OPRM1: variants seen among roughly 807,000 people sequenced by gnomAD.
The protein encoded by OPRM1 is opioid receptor mu 1, also known as mu-type opioid receptor.
In OPRM1, 27 loss-of-function variants were observed where a neutral mutation model predicts 31.8. The observed-to-expected ratio is 0.85, with a 90% CI of 0.63 to 1.17. The LOEUF (loss-of-function observed/expected upper bound fraction) is 1.17. OPRM1 is among the 50% of genes most tolerant of loss of function. The pLI, the probability that OPRM1 is intolerant of heterozygous loss-of-function variation, is 0.00. For missense variants in OPRM1, 536 were observed against 511.1 expected (o/e 1.05, Z -0.47); for synonymous variants, 196 against 189.9 (o/e 1.03, Z -0.26).
chr6:154,183,815 A>G (rs1383265183), intron 3 of OPRM1, among the ~76,000 whole-genome samples: 1 of 152,092 alleles, frequency 6.6e-6, no homozygotes, highest in Non-Finnish European at 1.5e-5. Flanking sequence ...ACTTGAACCC[A>G]GGAGGCAGAG....
At chr6:154,090,838 C>T in intron 2 of OPRM1, 114 bp from the exon 3 acceptor site, 1 of 864,748 alleles carries the variant, frequency 1.2e-6, no homozygotes, top group South Asian at 1.8e-5. Context: ...TTCTTTATAG[C>T]CTTAAGTTAG....
intron 3 of OPRM1, among the ~76,000 whole-genome samples, chr6:154,187,502 A>G (rs1801493034): frequency 6.6e-6 from 1 of 152,250 alleles, no homozygotes; most frequent in South Asian, 2.1e-4. Context: ...ACACCCAGAG[A>G]TATCATAATA....
At chr6:154,013,130 G>GT (rs1228429681) in intron 1 of OPRM1, among the ~76,000 whole-genome samples, 1 of 152,148 alleles carries the variant, frequency 6.6e-6, no homozygotes, top group East Asian at 1.9e-4. Context: ...GAGGAAGAGA[G>GT]TTTTCAAGTG....
chr6:154,148,055 T>C (rs1199562106), intron 3 of OPRM1, among the ~76,000 whole-genome samples: 1 of 152,220 alleles, frequency 6.6e-6, no homozygotes, highest in Non-Finnish European at 1.5e-5. Context: ...CAAGAGACTT[T>C]TTCAAGGCTC....
At position 154,118,935 on chromosome 6, in the gene OPRM1, A is replaced by G; in HGVS notation, c.*214A>G. 3.8e-6 allele frequency: 5 copies of G among 1,316,566 alleles called. No homozygotes were observed. The highest frequency in any genetic ancestry group is 4.8e-6 in the Non-Finnish European group (5 of 1,034,516). 81.6% of individuals were successfully genotyped at this position (1,316,566 alleles called of 1,614,324 possible). ...ATTTGGAAGGAAAGGAATATACCAC[A>G]CCGAGGAGTCCAGTTTGTGCAAGAC... is the stretch of plus-strand genomic sequence containing the variant. On this transcript the variant is annotated 3_prime_UTR_variant, in exon 4 of 4. Transcript: ENST00000330432.
chr6:154,221,310 A>G lies in OPRM1; in HGVS notation c.1165-25383A>G, dbSNP rs546290444. 3.7e-6 allele frequency: 6 copies of G among 1,613,942 alleles called. No homozygotes were observed. In the African/African-American group the frequency reaches 4.0e-5, roughly 11 times the overall value. On this transcript the variant is annotated intron_variant, in intron 3 of 3. Transcript: ENST00000337049. ...CAAAATAAAAGGTCTTGATCTGTGG[A>G]TGGCTGATCTTAAAAGCACTTGAAG... is the stretch of plus-strand genomic sequence containing the variant.
intron 1 of OPRM1, among the ~76,000 whole-genome samples, chr6:154,044,531 A>T (rs1052617606): frequency 1.3e-5 from 2 of 151,986 alleles, no homozygotes; most frequent in South Asian, 2.1e-4. Flanking sequence ...ATTTTTTTTT[A>T]AATGTGTTAA....
At chr6:154,215,959 A>G (rs1191927340) in intron 3 of OPRM1, among the ~76,000 whole-genome samples, 1 of 152,252 alleles carries the variant, frequency 6.6e-6, no homozygotes, top group Non-Finnish European at 1.5e-5. Context: ...AAACTTAAAA[A>G]TATTATTGAT....
At chr6:154,210,982 CA>C (rs1173132364) in intron 3 of OPRM1, among the ~76,000 whole-genome samples, 1 of 152,074 alleles carries the variant, frequency 6.6e-6, no homozygotes, top group African/African-American at 2.4e-5. Flanking sequence ...CAGGAACTTG[CA>C]AAACACAATA....
chr6:154,066,733 G>A (rs1433629523), intron 1 of OPRM1, among the ~76,000 whole-genome samples: 1 of 152,106 alleles, frequency 6.6e-6, no homozygotes, highest in African/African-American at 2.4e-5. Flanking sequence ...GACACAGTGA[G>A]AAGGCTGCAC....
At position 154,160,054 on chromosome 6, in the gene OPRM1, A is replaced by T. The variant is rs1381603478; in HGVS notation, c.1164+68582A>T. The T allele has an allele frequency of 1.9e-6, 3 of 1,590,676 alleles. No individual in the cohort carries two copies. The Admixed American group carries it at 5.2e-5, about 28-fold the overall frequency. On this transcript the variant is annotated intron_variant, in intron 3 of 3. Transcript: ENST00000337049. ...ATGTTCTTTACACTGTGTGAGTAGA[A>T]AAAAAGGGGAAGGGGGTATGTTGAG...
At chr6:154,012,902 T>C (rs1777804611) in intron 1 of OPRM1, among the ~76,000 whole-genome samples, 1 of 152,066 alleles carries the variant, frequency 6.6e-6, no homozygotes, top group Non-Finnish European at 1.5e-5. Flanking sequence ...TTCTTGGGTC[T>C]CTTCTCATAA....
intron 1 of OPRM1, among the ~76,000 whole-genome samples, chr6:154,029,989 G>A (rs1012290001): frequency 6.6e-6 from 1 of 151,922 alleles, no homozygotes; most frequent in Non-Finnish European, 1.5e-5. Context: ...TATTAGCAGC[G>A]TGAGAATGGT....
At chr6:154,189,481 T>C (rs1801672616) in intron 3 of OPRM1, among the ~76,000 whole-genome samples, 1 of 151,348 alleles carries the variant, frequency 6.6e-6, no homozygotes. Context: ...AAAGAAAAAA[T>C]GTGCAAAACA....
chr6:154,010,809 A>T, exon 1 of OPRM1: 1 of 1,400,512 alleles, frequency 7.1e-7, no homozygotes. Context: ...CTGCTCTGAG[A>T]TGATAGAAAA....
upstream of OPRM1, among the ~76,000 whole-genome samples, chr6:154,035,470 A>G (rs1779249982): frequency 6.6e-6 from 1 of 152,174 alleles, no homozygotes; most frequent in Non-Finnish European, 1.5e-5. Context: ...GAAAATATCT[A>G]TAAACAAATA....
intron 1 of OPRM1, among the ~76,000 whole-genome samples, chr6:154,054,390 A>AAAG (rs1554260441): frequency 9.4e-5 from 13 of 138,216 alleles, no homozygotes; most frequent in East Asian, 2.0e-4. Flanking sequence ...AAAAAAAAAA[A>AAAG]GGAAACCCGC....
At chr6:154,095,689 AG>A (rs1793243178) in intron 3 of OPRM1, among the ~76,000 whole-genome samples, 1 of 152,198 alleles carries the variant, frequency 6.6e-6, no homozygotes, top group Non-Finnish European at 1.5e-5. Context: ...AAAACAAAAA[AG>A]ATGGTCTCGT....
Position 154,128,694 on chromosome 6 carries a change from G to A in OPRM1, c.*9973G>A, listed in dbSNP as rs891642150. Among the ~76,000 whole-genome samples, 3 of 152,178 alleles carry A rather than the reference G, an allele frequency of 2.0e-5. No individual in the cohort carries two copies. The highest frequency in any genetic ancestry group is 7.2e-5 in the African/African-American group (3 of 41,440). Reference sequence around the variant, plus strand: ...TGTTCTCGAACTAGCTGGTTTCCCAGAGACAGCTGGAGACTGAGCACATAA... The same window carrying A: ...TGTTCTCGAACTAGCTGGTTTCCCAAAGACAGCTGGAGACTGAGCACATAA... On this transcript the variant is annotated 3_prime_UTR_variant, in exon 4 of 4. Transcript: ENST00000330432.
Sources: gnomAD v4.1 joint callset for allele counts (sites outside exome capture counted in the v4.1 genomes callset) on GRCh38, gnomAD v4.1.1 for gene constraint, MANE v1.5 for transcripts, NCBI Gene and HGNC (gene_info 2026-07-23, HGNC 2026-07-21) for gene names.